ELP4: variants seen among roughly 807,000 people sequenced by gnomAD.
ELP4 encodes the protein elongator acetyltransferase complex subunit 4.
In ELP4, 51 loss-of-function variants were observed where a neutral mutation model predicts 48.9. The ratio of observed to expected loss-of-function variants is 1.04; its 90% CI spans 0.83 to 1.32. ELP4 has a LOEUF of 1.32. Among genes scored for constraint, ELP4 ranks in the 40% most tolerant of loss-of-function variants. ELP4 has a pLI of 0.00. For synonymous variants in ELP4, 210 were observed against 189.2 expected, an observed-to-expected ratio of 1.11 and a Z score of -0.90; for missense variants, 519 against 514.6, an observed-to-expected ratio of 1.01 and a Z score of -0.08.
chr11:31,782,234 A>C (rs1948394233), intron 9 of ELP4, among the ~76,000 whole-genome samples: 2 of 152,244 alleles, frequency 1.3e-5, no homozygotes, highest in African/African-American at 4.8e-5. Context: ...GCCTTTATTC[A>C]AGAAAGAAAC....
chr11:31,608,389 C>G (rs1957913989), intron 5 of ELP4, among the ~76,000 whole-genome samples: 1 of 151,962 alleles, frequency 6.6e-6, no homozygotes, highest in Admixed American at 6.6e-5. Context: ...ATGTGTTGGT[C>G]TAAGAAGACG....
In ELP4 at chr11:31,787,892, G is replaced by T. The variant is rs1465269245; in HGVS notation, c.*4368G>T. 2 of 221,270 alleles carry T rather than the reference G, an allele frequency of 9.0e-6. No individual in the cohort carries two copies. Among genetic ancestry groups the T allele is most frequent in the Non-Finnish European group, 1.8e-5 (2 of 110,704 alleles). The allele number at this position is 221,270 out of a possible 1,614,324, so 13.7% of individuals were successfully genotyped here. Reference sequence around the variant, plus strand: ...TTAATTTCTACATTTCTGATCATTTGCTTTTGGGGATTTTTTTAAAGCAGA... The same window carrying T: ...TTAATTTCTACATTTCTGATCATTTTCTTTTGGGGATTTTTTTAAAGCAGA... On this transcript the variant is annotated 3_prime_UTR_variant, in exon 10 of 10. Transcript: ENST00000640961.
At chr11:31,523,229 C>T (rs1956244350) in intron 2 of ELP4, among the ~76,000 whole-genome samples, 1 of 151,916 alleles carries the variant, frequency 6.6e-6, no homozygotes, top group African/African-American at 2.4e-5. Flanking sequence ...TGAATTAAAT[C>T]CACTTGAAGA....
At chr11:31,707,540 C>T (rs1317691710) in intron 9 of ELP4, 2 of 152,042 alleles carry the variant, frequency 1.3e-5, no homozygotes, top group Non-Finnish European at 2.9e-5. Context: ...ATCAATTCTA[C>T]TTGAATGGTT....
chr11:31,771,520 G>A (rs914082529), intron 9 of ELP4, among the ~76,000 whole-genome samples: 2 of 152,098 alleles, frequency 1.3e-5, no homozygotes, highest in African/African-American at 4.8e-5. Context: ...TGCGTACCAC[G>A]CCAAACTTCT....
At chr11:31,734,882 A>C (rs984659515) in intron 9 of ELP4, among the ~76,000 whole-genome samples, 1 of 152,180 alleles carries the variant, frequency 6.6e-6, no homozygotes, top group East Asian at 1.9e-4. Flanking sequence ...TGGAATAACA[A>C]AGGACCTAAA....
At chr11:31,650,662 A>G (rs1945301143) in intron 9 of ELP4, 1 of 152,642 alleles carries the variant, frequency 6.6e-6, no homozygotes, top group Non-Finnish European at 1.5e-5. Context: ...CCTCGTGTGG[A>G]ACTAAACAAA....
chr11:31,632,107 C>A, intron 6 of ELP4, 110 bp from the exon 7 acceptor site: 1 of 822,340 alleles, frequency 1.2e-6, no homozygotes, highest in Non-Finnish European at 1.8e-6. Flanking sequence ...TTTAACACAT[C>A]TATTGACATT....
At chr11:31,537,650 G>A (rs1956522971) in intron 2 of ELP4, among the ~76,000 whole-genome samples, 1 of 152,176 alleles carries the variant, frequency 6.6e-6, no homozygotes, top group Admixed American at 6.5e-5. Context: ...CATGGCAGGA[G>A]CAGGAGGAAG....
At chr11:31,608,586 G>T (rs1230221116) in intron 5 of ELP4, among the ~76,000 whole-genome samples, 11 of 151,202 alleles carry the variant, frequency 7.3e-5, no homozygotes, top group African/African-American at 2.7e-4. Flanking sequence ...TGGGTAGCGG[G>T]TGCTGGGTGG....
At chr11:31,626,503 A>T (rs2134036658) in intron 5 of ELP4, among the ~76,000 whole-genome samples, 1 of 151,990 alleles carries the variant, frequency 6.6e-6, no homozygotes, top group South Asian at 2.1e-4. Context: ...TAAAACAATA[A>T]CATTAATGTT....
intron 3 of ELP4, among the ~76,000 whole-genome samples, chr11:31,579,865 C>A (rs1486217024): frequency 6.6e-6 from 1 of 151,966 alleles, no homozygotes; most frequent in East Asian, 1.9e-4. Context: ...AGCACACCAA[C>A]ATGGCACATG....
At chr11:31,724,650 T>C (rs1947037635) in intron 9 of ELP4, among the ~76,000 whole-genome samples, 1 of 152,208 alleles carries the variant, frequency 6.6e-6, no homozygotes, top group South Asian at 2.1e-4. Flanking sequence ...CTCCAGAGTG[T>C]AGGATGTCAC....
chr11:31,717,522 GA>G (rs1440066779), intron 9 of ELP4, among the ~76,000 whole-genome samples: 1 of 152,182 alleles, frequency 6.6e-6, no homozygotes, highest in African/African-American at 2.4e-5. Flanking sequence ...TTGGGAGGCT[GA>G]AGTGGGCGGA....
chr11:31,737,148 A>G (rs549096744), intron 9 of ELP4, among the ~76,000 whole-genome samples: 16 of 152,344 alleles, frequency 1.1e-4, no homozygotes, highest in African/African-American at 3.8e-4. Context: ...TAAAAAAATG[A>G]TGAGTTCATG....
chr11:31,531,248 G>A (rs1048558197), intron 2 of ELP4, among the ~76,000 whole-genome samples: 2 of 152,114 alleles, frequency 1.3e-5, no homozygotes, highest in African/African-American at 2.4e-5. Flanking sequence ...TAGTAGATGT[G>A]GATGATTTAT....
intron 3 of ELP4, among the ~76,000 whole-genome samples, chr11:31,593,666 C>G (rs1045517299): frequency 1.5e-4 from 23 of 152,124 alleles, no homozygotes; most frequent in Admixed American, 1.4e-3. Flanking sequence ...TTCTAGTTGC[C>G]GAATTCAAAC....
intron 9 of ELP4, among the ~76,000 whole-genome samples, chr11:31,703,612 G>A (rs116969990): frequency 2.6e-5 from 4 of 152,182 alleles, no homozygotes; most frequent in Non-Finnish European, 5.9e-5. Context: ...TCTCTTCAAG[G>A]TACAAGTTAC....
intron 9 of ELP4, among the ~76,000 whole-genome samples, chr11:31,755,991 C>T (rs1243435760): frequency 1.3e-5 from 2 of 152,160 alleles, no homozygotes; most frequent in African/African-American, 4.8e-5. Flanking sequence ...TCTGAATTTT[C>T]CTACATATCC....
Sources: gnomAD v4.1 joint callset for allele counts (sites outside exome capture counted in the v4.1 genomes callset) on GRCh38, gnomAD v4.1.1 for gene constraint, MANE v1.5 for transcripts, NCBI Gene and HGNC (gene_info 2026-07-23, HGNC 2026-07-21) for gene names.